APBB3: variants seen among roughly 807,000 people sequenced by gnomAD.
APBB3 encodes amyloid-beta A4 precursor protein-binding family B member 3.
APBB3 carries 50 observed loss-of-function variants against 61.5 expected under a neutral mutation model. The observed-to-expected ratio is 0.81, with a 90% CI of 0.65 to 1.03. The LOEUF (loss-of-function observed/expected upper bound fraction) is 1.03, where lower values mean the gene tolerates loss of function less well. APBB3 is among the 50% of genes least tolerant of loss of function. The pLI is 0.00. For synonymous variants in APBB3, 235 were observed against 233.0 expected, an observed-to-expected ratio of 1.01 and a Z score of -0.08; for missense variants, 550 against 637.4, an observed-to-expected ratio of 0.86 and a Z score of 1.48.
chr5:140,561,762 G>A, intron 7 of APBB3, 61 bp from the exon 8 acceptor site: 1 of 1,614,070 alleles, frequency 6.2e-7, no homozygotes, highest in Non-Finnish European at 8.5e-7. Flanking sequence ...CCTGCAGGAG[G>A]CTGGAAAGTC....
intron 3 of APBB3, 73 bp from the exon 4 acceptor site, chr5:140,562,796 G>T: frequency 6.8e-7 from 1 of 1,466,262 alleles, no homozygotes; most frequent in Non-Finnish European, 9.5e-7. Context: ...TAGACAACTT[G>T]ATAAGCACAG....
At position 140,558,700 on chromosome 5, in the gene APBB3, G is replaced by A. The variant is rs770340112; in HGVS notation, c.1346C>T (p.Pro449Leu). ...AACCCCTCCTTTGAGCAGGGGGAGG[G>A]GCAGGGGACCTCCTGGGGAATCCAT... The part of the protein sequence containing the change: ...SSMDSPGGPL[P>L]LPLLKGGVGG... Residue 449 changes from proline (P) to leucine (L), a missense_variant, in exon 13 of 13, where the codon CCC becomes CTC. By Grantham distance (98) the Pro-to-Leu change is moderately conservative. This residue lies in a region of APBB3 where 138 missense variants were observed against 132.6 expected (regional missense o/e 1.04). Coordinates refer to ENST00000357560, the MANE Select transcript of APBB3 (RefSeq NM_133173.3). 3 of 1,611,064 alleles carry A rather than the reference G, an allele frequency of 1.9e-6. No homozygotes were observed. The African/African-American group carries it at 4.0e-5, about 22-fold the overall frequency.
At chr5:140,563,333 G>A (rs777480447) in intron 3 of APBB3, 1 of 542,418 alleles carries the variant, frequency 1.8e-6, no homozygotes, top group Non-Finnish European at 3.3e-6. Context: ...CTAGAACAGA[G>A]GACTTAATGG....
Position 140,560,326 on chromosome 5 carries a change from T to C in APBB3, c.1211A>G (p.Gln404Arg). The change falls in exon 12 of 13, where the codon CAG (glutamine) becomes CGG (arginine). Residue 404 changes from glutamine (Q) to arginine (R), a missense_variant. By Grantham distance (43) the Gln-to-Arg change is conservative. Around this residue, in one of 3 missense-constraint regions of APBB3, gnomAD observed 138 missense variants for 132.6 expected, o/e 1.04. Transcript: ENST00000357560. This position sits in a 1 kb window ranked among gnomAD's most constrained non-coding sequence, Gnocchi z 5.1. ...PHAGGLSEAV[Q>R]AACMVQYQKC... The stretch of plus-strand genomic sequence containing the variant: ...CCCATGACTCACCATACAGGCAGCC[T>C]GCACAGCTTCAGAGAGTCCCCCTGC... 6.2e-7 allele frequency: 1 copy of C among 1,611,370 alleles called. No individual in the cohort carries two copies. The highest frequency in any genetic ancestry group is 1.4e-5 in the African/African-American group (1 of 72,978).
rs751763637 is a variant in APBB3, at chr5:140,564,276, G to C, written c.-31C>G. 2.5e-6 allele frequency: 4 copies of C among 1,604,798 alleles called. No individual in the cohort carries two copies. The South Asian group carries it at 4.4e-5, about 18-fold the overall frequency. ...CGGCTGCTCCCCGCCAGCCTCTGCCGGCCCGCACTCTCAGCCCAGCGCGAC... is the reference window on the plus strand; with the variant it reads ...CGGCTGCTCCCCGCCAGCCTCTGCCCGCCCGCACTCTCAGCCCAGCGCGAC... On this transcript the variant is annotated 5_prime_UTR_variant, in exon 1 of 13. Transcript: ENST00000357560. This position sits in a 1 kb window ranked among gnomAD's most constrained non-coding sequence, Gnocchi z 5.0.
chr5:140,560,617 C>G lies in APBB3; in HGVS notation c.1032+22G>C. 1 of 1,613,054 alleles carries G rather than the reference C, an allele frequency of 6.2e-7. No individual in the cohort carries two copies. The highest frequency in any genetic ancestry group is 8.5e-7 in the Non-Finnish European group (1 of 1,179,096). ...TCCCTGCTCACCCCTCCAAAGCCCCCAACTTCACCCTCTTCTGGTACCTGA... is the reference window on the plus strand; with the variant it reads ...TCCCTGCTCACCCCTCCAAAGCCCCGAACTTCACCCTCTTCTGGTACCTGA... On this transcript the variant is annotated intron_variant, in intron 11 of 12. Coordinates refer to ENST00000357560, the MANE Select transcript of APBB3 (RefSeq NM_133173.3). This position sits in a 1 kb window ranked among gnomAD's most constrained non-coding sequence, Gnocchi z 5.1.
Position 140,564,067 on chromosome 5 carries a change from C to T in APBB3, c.49+130G>A. Reference sequence around the variant, plus strand: ...TCTTGAAGACATCACATGTAAAGACCGGGTTCATTCGCCCCCTGGTCCCTA... The same window carrying T: ...TCTTGAAGACATCACATGTAAAGACTGGGTTCATTCGCCCCCTGGTCCCTA... On this transcript the variant is annotated intron_variant, in intron 1 of 12. Coordinates refer to ENST00000357560, the MANE Select transcript of APBB3 (RefSeq NM_133173.3). The surrounding 1 kb of genome is among the most constrained non-coding windows in gnomAD (Gnocchi z 5.0). 2 of 1,467,840 alleles carry T rather than the reference C, an allele frequency of 1.4e-6. No individual in the cohort carries two copies. The highest frequency in any genetic ancestry group is 1.2e-5 in the South Asian group (1 of 81,178). 90.9% of individuals were successfully genotyped at this position (1,467,840 alleles called of 1,614,324 possible). A position where few individuals can be genotyped will look rare whatever the true frequency, so the allele number is the denominator to read the frequency against.
chr5:140,562,014 G>C, intron 6 of APBB3, 86 bp downstream of exon 6: 1 of 1,612,780 alleles, frequency 6.2e-7, no homozygotes, highest in Admixed American at 1.7e-5. Flanking sequence ...AGGGGTTCAA[G>C]TACTGGGGAT....
rs765187519 is a variant in APBB3, at chr5:140,558,667, G to A, written c.1379C>T (p.Ala460Val). ...ACCCCGCTTTCGAGGGGTTGCCCCT[G>A]CACCGCCAACCCCTCCTTTGAGCAG... ...LPLLKGGVGG[A>V]GATPRKRGVF... Residue 460 changes from alanine (A) to valine (V), a missense_variant, in exon 13 of 13, where the codon GCA becomes GTA. By Grantham distance (64) the Ala-to-Val change is moderately conservative. Around this residue, in one of 3 missense-constraint regions of APBB3, gnomAD observed 138 missense variants for 132.6 expected, o/e 1.04. Transcript: ENST00000357560. The A allele has an allele frequency of 1.9e-6, 3 of 1,613,824 alleles. No homozygotes were observed. The highest frequency in any genetic ancestry group is 1.1e-5 in the South Asian group (1 of 91,060).
At position 140,560,754 on chromosome 5, in the gene APBB3, C is replaced by A. The variant is rs1396520063; in HGVS notation, c.917G>T (p.Gly306Val). Residue 306 changes from glycine (G) to valine (V), a missense_variant and splice_region_variant, in exon 11 of 13, where the codon GGC becomes GTC. Around this residue, in one of 3 missense-constraint regions of APBB3, gnomAD observed 405 missense variants for 483.4 expected, o/e 0.84. Coordinates refer to ENST00000357560, the MANE Select transcript of APBB3 (RefSeq NM_133173.3). This position sits in a 1 kb window ranked among gnomAD's most constrained non-coding sequence, Gnocchi z 5.1. Reference protein sequence around the residue: ...MGTLPVTKAMGMDVLNEAIGT... With the variant: ...MGTLPVTKAMVMDVLNEAIGT... ...AATGGCCTCGTTCAGCACATCCATG[C>A]CTGGGGGAACATACCCAGCGTGTCT... is the stretch of plus-strand genomic sequence containing the variant. The A allele has an allele frequency of 1.2e-6, 2 of 1,613,534 alleles. No homozygotes were observed. The highest frequency in any genetic ancestry group is 4.5e-5 in the East Asian group (2 of 44,870).
chr5:140,560,286 ACCAACCCATT>A lies in APBB3; in HGVS notation c.1224+17_1224+26del. ...TGGAGAGCAGCTGCAGGGCAATCCC[ACCAACCCATT>A]CCCACCCATGACTCACCATACAGGC... On this transcript the variant is annotated intron_variant, in intron 12 of 12. Coordinates refer to ENST00000357560, the MANE Select transcript of APBB3 (RefSeq NM_133173.3). This position sits in a 1 kb window ranked among gnomAD's most constrained non-coding sequence, Gnocchi z 5.1. The A allele has an allele frequency of 6.2e-7, 1 of 1,601,184 alleles. No individual in the cohort carries two copies. The highest frequency in any genetic ancestry group is 1.4e-5 in the African/African-American group (1 of 71,834).
intron 3 of APBB3, chr5:140,563,017 C>T (rs1045377593): frequency 5.3e-5 from 21 of 398,364 alleles, no homozygotes; most frequent in Admixed American, 2.1e-4. Context: ...GAGGCTGAGA[C>T]GGGTGGATCA....
chr5:140,562,201 C>G lies in APBB3; in HGVS notation c.525G>C (p.Lys175Asn). The G allele has an allele frequency of 6.2e-7, 1 of 1,614,188 alleles. No homozygotes were observed. Among genetic ancestry groups the G allele is most frequent in the Non-Finnish European group, 8.5e-7 (1 of 1,180,028 alleles). The change falls in exon 6 of 13, where the codon AAG (lysine) becomes AAC (asparagine). Residue 175 changes from lysine (K) to asparagine (N), a missense_variant. Coordinates refer to ENST00000357560, the MANE Select transcript of APBB3 (RefSeq NM_133173.3). The stretch of plus-strand genomic sequence containing the variant: ...GATTCACTAGGCTCATGGCATCCTT[C>G]TTCAGGATCATCAGCATGTTCTGGC... ...GEGQNMLMIL[K>N]KDAMSLVNPL...
Position 140,558,595 on chromosome 5 carries a change from T to C in APBB3, c.1451A>G (p.His484Arg). The C allele has an allele frequency of 1.2e-6, 2 of 1,614,126 alleles. No homozygotes were observed. The highest frequency in any genetic ancestry group is 1.1e-5 in the South Asian group (1 of 91,082). The change falls in exon 13 of 13, where the codon CAT becomes CGT. Residue 484 changes from histidine (H) to arginine (R), a missense_variant. His to Arg is a conservative substitution (Grantham distance 29). Transcript: ENST00000357560. The stretch of plus-strand genomic sequence containing the variant: ...CCTTCCCAGATAAGTTTAGGGCATA[T>C]GGAGCAGAGAGGGTTTCAGCCGGAA... ...DAFRLKPSLL[H>R]MP
At position 140,563,490 on chromosome 5, in the gene APBB3, T is replaced by G; in HGVS notation, c.290+104A>C. ...AGAACGTAACAGAACCCAAAACATG[T>G]GACAGAATCCAGAACCTGGGCTGGA... On this transcript the variant is annotated intron_variant, in intron 3 of 12. Coordinates refer to ENST00000357560, the MANE Select transcript of APBB3 (RefSeq NM_133173.3). 2.2e-6 allele frequency: 3 copies of G among 1,376,390 alleles called. No individual in the cohort carries two copies. In the East Asian group the frequency reaches 6.9e-5, roughly 32 times the overall value. The allele number at this position is 1,376,390 out of a possible 1,614,324, so 85.3% of individuals were successfully genotyped here.
At chr5:140,563,486 CAT>C (rs949777778) in intron 3 of APBB3, 106 bp downstream of exon 3, 8 of 1,343,640 alleles carry the variant, frequency 6.0e-6, no homozygotes, top group African/African-American at 2.9e-5. Context: ...GAACCCAAAA[CAT>C]GTGACAGAAT....
rs777325024 is a variant in APBB3 at position 140,562,518 on chromosome 5, G to A, written c.352-19C>T. 1 of 1,613,516 alleles carries A rather than the reference G, an allele frequency of 6.2e-7. No homozygotes were observed. Among genetic ancestry groups the A allele is most frequent in the South Asian group, 1.1e-5 (1 of 91,044 alleles). ...CAAAGCACTGACAGGTTGGGGGAAGGGACAGGAATTAATAAGGATGGAGTA... is the reference window on the plus strand; with the variant it reads ...CAAAGCACTGACAGGTTGGGGGAAGAGACAGGAATTAATAAGGATGGAGTA... On this transcript the variant is annotated intron_variant, in intron 4 of 12. Coordinates refer to ENST00000357560, the MANE Select transcript of APBB3 (RefSeq NM_133173.3).
Position 140,560,439 on chromosome 5 carries a change from A to T in APBB3, c.1098T>A (p.Gly366=), listed in dbSNP as rs1161025745. ...CAAAGGTGTGTGGGTCGCGGCCAACACCAATAAATGTCACAAGGCGCACAG... is the reference window on the plus strand; with the variant it reads ...CAAAGGTGTGTGGGTCGCGGCCAACTCCAATAAATGTCACAAGGCGCACAG... ...QCPVRLVTFI[G]VGRDPHTFGL... Residue 366 remains glycine, a synonymous_variant, in exon 12 of 13, where the codon GGT becomes GGA. Transcript: ENST00000357560. This position sits in a 1 kb window ranked among gnomAD's most constrained non-coding sequence, Gnocchi z 5.1. 7 of 1,613,936 alleles carry T rather than the reference A, an allele frequency of 4.3e-6. No homozygotes were observed. The highest frequency in any genetic ancestry group is 1.3e-5 in the African/African-American group (1 of 74,876).
chr5:140,562,706 T>C lies in APBB3; in HGVS notation c.308A>G (p.Tyr103Cys), dbSNP rs940529475. 2.5e-6 allele frequency: 4 copies of C among 1,614,132 alleles called. No individual in the cohort carries two copies. Among genetic ancestry groups the C allele is most frequent in the Non-Finnish European group, 3.4e-6 (4 of 1,180,016 alleles). The change falls in exon 4 of 13, where the codon TAT becomes TGT. Residue 103 changes from tyrosine (Y) to cysteine (C), a missense_variant. Transcript: ENST00000357560. Reference sequence around the variant, plus strand: ...GCTCTGGATGTAGGATTCCCCACCATACCAGGACAGAGAGTTACTGAAACA... The same window carrying C: ...GCTCTGGATGTAGGATTCCCCACCACACCAGGACAGAGAGTTACTGAAACA... ...SLDRSNSLSWYGGESYIQSME... is the reference protein window; with the variant it reads ...SLDRSNSLSWCGGESYIQSME...
Sources: gnomAD v4.1 joint callset for allele counts on GRCh38, gnomAD v4.1.1 for gene constraint, gnomAD v4.1.1 regional missense constraint, Gnocchi (gnomAD v3.1) non-coding constraint, MANE v1.5 for transcripts, NCBI Gene and HGNC (gene_info 2026-07-23, HGNC 2026-07-21) for gene names.